DDX10: variants seen among roughly 807,000 people sequenced by gnomAD.
DDX10 encodes probable ATP-dependent RNA helicase DDX10.
A neutral mutation model predicts 104.3 loss-of-function variants in DDX10; 74 were observed. The ratio of observed to expected loss-of-function variants is 0.71; its 90% CI spans 0.59 to 0.86. The LOEUF is 0.86. Ranked by LOEUF, DDX10 falls within the 40% of genes least tolerant of loss-of-function variation. The probability of loss-of-function intolerance (pLI) is 0.00; values close to 1 mark genes in which losing one functional copy is unlikely to be tolerated. For missense variants in DDX10, 952 were observed against 1,040.0 expected (o/e 0.92, Z 1.16); for synonymous variants, 351 against 353.4 (o/e 0.99, Z 0.08).
intron 16 of DDX10, among the ~76,000 whole-genome samples, chr11:108,897,961 A>G (rs749300463): frequency 3.3e-5 from 5 of 152,094 alleles, no homozygotes; most frequent in Non-Finnish European, 5.9e-5. Context: ...TTCGAATAAA[A>G]TTTTACCGTA....
intron 13 of DDX10, among the ~76,000 whole-genome samples, chr11:108,768,569 G>A (rs982555327): frequency 3.9e-5 from 6 of 151,998 alleles, no homozygotes; most frequent in Non-Finnish European, 7.4e-5. Context: ...TTTGTCTTGC[G>A]GCCTGGTTAT....
At chr11:108,728,312 ACT>A (rs757124547) in intron 13 of DDX10, among the ~76,000 whole-genome samples, 40 of 151,634 alleles carry the variant, frequency 2.6e-4, no homozygotes, top group Non-Finnish European at 3.4e-4. Flanking sequence ...AGGGCGGGGG[ACT>A]CTGCAAGAGT....
At chr11:108,850,952 A>T (rs2134604531) in intron 15 of DDX10, among the ~76,000 whole-genome samples, 1 of 152,344 alleles carries the variant, frequency 6.6e-6, no homozygotes, top group South Asian at 2.1e-4. Flanking sequence ...ATTTAAAAAG[A>T]TAACCAAATT....
At chr11:108,827,061 G>T (rs1862405401) in intron 13 of DDX10, among the ~76,000 whole-genome samples, 1 of 152,170 alleles carries the variant, frequency 6.6e-6, no homozygotes, top group Non-Finnish European at 1.5e-5. Flanking sequence ...ATGTAACTTT[G>T]AACAAACTGC....
At chr11:108,720,181 T>C (rs760111579) in intron 12 of DDX10, among the ~76,000 whole-genome samples, 3 of 152,228 alleles carry the variant, frequency 2.0e-5, no homozygotes, top group Non-Finnish European at 4.4e-5. Flanking sequence ...GAAATTGACT[T>C]GGCAGAAAAT....
chr11:108,782,088 A>G (rs1330283500), intron 13 of DDX10, among the ~76,000 whole-genome samples: 2 of 152,200 alleles, frequency 1.3e-5, no homozygotes, highest in African/African-American at 2.4e-5. Flanking sequence ...TAGGGCACAG[A>G]TGTAACGTAT....
intron 17 of DDX10, among the ~76,000 whole-genome samples, chr11:108,935,219 G>A (rs1474296798): frequency 6.6e-6 from 1 of 152,142 alleles, no homozygotes; most frequent in African/African-American, 2.4e-5. Flanking sequence ...TGAAGGATAA[G>A]GGAGGTTTAG....
chr11:108,904,963 A>C (rs1314283267), intron 16 of DDX10, among the ~76,000 whole-genome samples: 1 of 152,208 alleles, frequency 6.6e-6, no homozygotes, highest in South Asian at 2.1e-4. Flanking sequence ...CAAGGCTTTC[A>C]GGGATGAATG....
At chr11:108,718,853 T>C (rs1199828122) in intron 11 of DDX10, among the ~76,000 whole-genome samples, 2 of 152,212 alleles carry the variant, frequency 1.3e-5, no homozygotes, top group Non-Finnish European at 2.9e-5. Context: ...ATTTTTAAAC[T>C]GGTGCCATTC....
At chr11:108,865,612 T>C (rs1591101674) in intron 16 of DDX10, among the ~76,000 whole-genome samples, 1 of 151,954 alleles carries the variant, frequency 6.6e-6, no homozygotes, top group Non-Finnish European at 1.5e-5. Flanking sequence ...GCTGGAGAAA[T>C]TGGTGAATCA....
intron 16 of DDX10, among the ~76,000 whole-genome samples, chr11:108,878,558 T>A (rs1863183359): frequency 4.6e-5 from 7 of 152,198 alleles, no homozygotes; most frequent in Admixed American, 4.6e-4. Context: ...AAAAAATAAT[T>A]CTCCTTGTTT....
intron 6 of DDX10, among the ~76,000 whole-genome samples, chr11:108,681,340 T>G (rs2094234819): frequency 6.6e-6 from 1 of 152,168 alleles, no homozygotes; most frequent in Admixed American, 6.5e-5. Flanking sequence ...TGGACAAAAT[T>G]TTCAGAAAAA....
Position 108,931,416 on chromosome 11 carries a change from C to T in DDX10, c.2451-8830C>T, listed in dbSNP as rs10450617. 3.3e-5 allele frequency among the ~76,000 whole-genome samples: 5 copies of T among 152,202 alleles called. No individual in the cohort carries two copies. The East Asian group carries it at 9.6e-4, about 29-fold the overall frequency. On this transcript the variant is annotated intron_variant, in intron 17 of 17. Transcript: ENST00000322536. ...TTTAGGCAACTGCCAGGGTTTAAAT[C>T]GGGTCAGACTGACTCCAAAGCCATT...
At chr11:108,739,470 C>G (rs908295154) in intron 13 of DDX10, among the ~76,000 whole-genome samples, 1 of 152,190 alleles carries the variant, frequency 6.6e-6, no homozygotes, top group Non-Finnish European at 1.5e-5. Flanking sequence ...GTTTTTCCCA[C>G]TATACTGTAT....
intron 10 of DDX10, among the ~76,000 whole-genome samples, chr11:108,714,435 T>G (rs2094288672): frequency 6.6e-6 from 1 of 152,222 alleles, no homozygotes; most frequent in African/African-American, 2.4e-5. Context: ...TTAAATTTTT[T>G]TTTCCAATCT....
At chr11:108,722,559 C>T (rs1376178533) in intron 12 of DDX10, among the ~76,000 whole-genome samples, 3 of 152,118 alleles carry the variant, frequency 2.0e-5, no homozygotes, top group African/African-American at 7.2e-5. Flanking sequence ...CATGTCTTCT[C>T]TGGTTTATTT....
chr11:108,886,801 A>G (rs1024889406), intron 16 of DDX10, among the ~76,000 whole-genome samples: 2 of 152,204 alleles, frequency 1.3e-5, no homozygotes, highest in Non-Finnish European at 2.9e-5. Context: ...AGCAAACATT[A>G]TTCCATGAGT....
chr11:108,728,591 T>A (rs1335910350), intron 13 of DDX10, among the ~76,000 whole-genome samples: 1 of 148,418 alleles, frequency 6.7e-6, no homozygotes, highest in African/African-American at 2.5e-5. Context: ...TGTGGCTCAC[T>A]GTACCCCCAA....
intron 13 of DDX10, among the ~76,000 whole-genome samples, chr11:108,726,324 G>T (rs1184692259): frequency 6.6e-6 from 1 of 152,036 alleles, no homozygotes; most frequent in Non-Finnish European, 1.5e-5. Context: ...TAACTGGAGA[G>T]AATTGACATC....
Sources: gnomAD v4.1 joint callset for allele counts (sites outside exome capture counted in the v4.1 genomes callset) on GRCh38, gnomAD v4.1.1 for gene constraint, MANE v1.5 for transcripts, NCBI Gene and HGNC (gene_info 2026-07-23, HGNC 2026-07-21) for gene names.